PPP2R2B: variants seen among roughly 807,000 people sequenced by gnomAD.
The protein encoded by PPP2R2B is protein phosphatase 2 regulatory subunit Bbeta, also known as serine/threonine-protein phosphatase 2A 55 kDa regulatory subunit B beta isoform.
Under a neutral mutation model 46.0 loss-of-function variants are expected in PPP2R2B, and 5 were observed. The ratio of observed to expected loss-of-function variants is 0.11; its 90% CI spans 0.06 to 0.23. The LOEUF (loss-of-function observed/expected upper bound fraction) is 0.23. Among genes scored for constraint, PPP2R2B ranks in the 10% least tolerant of loss-of-function variants. The pLI is 1.00. For missense variants in PPP2R2B, 367 were observed against 575.0 expected, an observed-to-expected ratio of 0.64 and a Z score of 3.70; for synonymous variants, 215 against 206.7, an observed-to-expected ratio of 1.04 and a Z score of -0.34.
At chr5:146,913,283 T>C (rs1427953981) in intron 1 of PPP2R2B, among the ~76,000 whole-genome samples, 2 of 152,222 alleles carry the variant, frequency 1.3e-5, no homozygotes, top group African/African-American at 4.8e-5. Context: ...AAAGGATTGA[T>C]GCTTTGGAAG....
chr5:146,604,400 C>T (rs150062369), intron 7 of PPP2R2B, among the ~76,000 whole-genome samples: 3 of 152,152 alleles, frequency 2.0e-5, no homozygotes, highest in Admixed American at 6.5e-5. Flanking sequence ...CTTGGCATGA[C>T]AGTAGAGAAT....
intron 5 of PPP2R2B, among the ~76,000 whole-genome samples, chr5:146,677,539 C>A (rs572309995): frequency 7.1e-6 from 1 of 140,886 alleles, no homozygotes; most frequent in Admixed American, 7.2e-5. Flanking sequence ...CTCCCTCCCT[C>A]CCTCCCTCCC....
chr5:146,826,400 AG>A (rs1384993298), intron 2 of PPP2R2B, among the ~76,000 whole-genome samples: 1 of 152,162 alleles, frequency 6.6e-6, no homozygotes, highest in African/African-American at 2.4e-5. Flanking sequence ...AGAGAGCCTA[AG>A]TCTAGCATTT....
intron 1 of PPP2R2B, among the ~76,000 whole-genome samples, chr5:146,982,948 C>T (rs1223264189): frequency 6.6e-6 from 1 of 152,068 alleles, no homozygotes; most frequent in Non-Finnish European, 1.5e-5. Context: ...TTATAGAGAG[C>T]ATATTGTTAG....
chr5:146,759,894 T>C (rs542234083), intron 2 of PPP2R2B, among the ~76,000 whole-genome samples: 9 of 152,294 alleles, frequency 5.9e-5, no homozygotes, highest in South Asian at 2.1e-4. Flanking sequence ...TTAGTAGTTA[T>C]TGTGATGTCT....
chr5:146,691,255 C>A lies in PPP2R2B; in HGVS notation c.335-15G>T. 5 of 1,605,952 alleles carry A rather than the reference C, an allele frequency of 3.1e-6. No individual in the cohort carries two copies. Among genetic ancestry groups the A allele is most frequent in the Non-Finnish European group, 4.3e-6 (5 of 1,173,376 alleles). On this transcript the variant is annotated splice_polypyrimidine_tract_variant and intron_variant, in intron 4 of 9. Coordinates refer to ENST00000394411, the MANE Select transcript of PPP2R2B (RefSeq NM_181675.4). ...CACAGTTTTATCTGTAGTGGGCAAC[C>A]AGATTAAGTCAGAATTATAGTGAAA... is the stretch of plus-strand genomic sequence containing the variant.
At chr5:146,759,023 T>TA (rs2151249403) in intron 2 of PPP2R2B, among the ~76,000 whole-genome samples, 1 of 152,226 alleles carries the variant, frequency 6.6e-6, no homozygotes, top group Admixed American at 6.5e-5. Context: ...TACAAAAACT[T>TA]ACTTATTTTA....
Position 146,589,177 on chromosome 5 carries a change from G to GT in PPP2R2B, c.*769dup, listed in dbSNP as rs1770343081. 1 of 152,290 alleles carries GT rather than the reference G, an allele frequency of 6.6e-6. No homozygotes were observed. Among genetic ancestry groups the GT allele is most frequent in the South Asian group, 2.1e-4 (1 of 4,826 alleles). The allele number at this position is 152,290 out of a possible 1,614,324, so 9.4% of individuals were successfully genotyped here. ...CCATTTAAGAGCACAAAAAGCAAGAGTAACAAGGCAGCAGATGGAATTTGG... is the reference window on the plus strand; with the variant it reads ...CCATTTAAGAGCACAAAAAGCAAGAGTTAACAAGGCAGCAGATGGAATTTGG... On this transcript the variant is annotated 3_prime_UTR_variant, in exon 10 of 10. Coordinates refer to ENST00000394411, the MANE Select transcript of PPP2R2B (RefSeq NM_181675.4).
intron 2 of PPP2R2B, among the ~76,000 whole-genome samples, chr5:146,747,904 C>T (rs930810937): frequency 5.3e-5 from 8 of 151,958 alleles, no homozygotes; most frequent in African/African-American, 2.4e-5. Flanking sequence ...TAGGACGATA[C>T]GAAGGGTGAT....
intron 6 of PPP2R2B, among the ~76,000 whole-genome samples, chr5:146,645,763 G>C (rs1473609027): frequency 1.3e-5 from 2 of 152,210 alleles, no homozygotes; most frequent in Non-Finnish European, 2.9e-5. Flanking sequence ...GCTTCTCCCA[G>C]ATAAGTCCTC....
chr5:146,621,541 G>A (rs1441191149), intron 7 of PPP2R2B, among the ~76,000 whole-genome samples: 1 of 152,168 alleles, frequency 6.6e-6, no homozygotes. Context: ...GGACTGGCAA[G>A]GATTAAACCG....
chr5:146,738,304 G>A (rs1424331365), intron 2 of PPP2R2B, among the ~76,000 whole-genome samples: 23 of 149,772 alleles, frequency 1.5e-4, no homozygotes, highest in Admixed American at 1.5e-3. Flanking sequence ...GCTGAGGCAG[G>A]AGAACGGCAT....
chr5:146,696,270 A>C (rs1581897165), intron 4 of PPP2R2B, among the ~76,000 whole-genome samples: 1 of 151,928 alleles, frequency 6.6e-6, no homozygotes, highest in Non-Finnish European at 1.5e-5. Context: ...CACCCGGCTA[A>C]TTTTTTTGTA....
exon 1 of PPP2R2B, chr5:147,055,711 G>A (rs1757054141): frequency 6.2e-7 from 1 of 1,613,448 alleles, no homozygotes; most frequent in South Asian, 1.1e-5. Flanking sequence ...GAGGTCTGAA[G>A]ATGTAAGGCA....
intron 2 of PPP2R2B, among the ~76,000 whole-genome samples, chr5:146,783,531 T>C (rs1035166274): frequency 1.3e-5 from 2 of 152,242 alleles, no homozygotes; most frequent in Non-Finnish European, 2.9e-5. Context: ...TTTTCCATTT[T>C]CCAAAGTCCA....
At chr5:146,689,082 C>T (rs989823738) in intron 5 of PPP2R2B, among the ~76,000 whole-genome samples, 1 of 152,030 alleles carries the variant, frequency 6.6e-6, no homozygotes, top group Admixed American at 6.6e-5. Context: ...TATATATAGG[C>T]CCACTATCAG....
At chr5:146,989,476 T>A (rs568910133) in intron 1 of PPP2R2B, among the ~76,000 whole-genome samples, 90 of 152,116 alleles carry the variant, frequency 5.9e-4, no homozygotes, top group Middle Eastern at 3.4e-3. Context: ...TGCATCACAT[T>A]AACAGAATAA....
At chr5:146,766,130 T>C (rs186816314) in intron 2 of PPP2R2B, among the ~76,000 whole-genome samples, 106 of 152,368 alleles carry the variant, frequency 7.0e-4, no homozygotes, top group Non-Finnish European at 1.1e-3. Context: ...CTTTCTGTAA[T>C]GTGCTCCTAG....
At chr5:146,686,767 G>A (rs1455614854) in intron 5 of PPP2R2B, among the ~76,000 whole-genome samples, 1 of 152,082 alleles carries the variant, frequency 6.6e-6, no homozygotes, top group African/African-American at 2.4e-5. Context: ...ATACCTCCAG[G>A]CTTACCCTGC....
Sources: gnomAD v4.1 joint callset for allele counts (sites outside exome capture counted in the v4.1 genomes callset) on GRCh38, gnomAD v4.1.1 for gene constraint, MANE v1.5 for transcripts, NCBI Gene and HGNC (gene_info 2026-07-23, HGNC 2026-07-21) for gene names.